Variants in CLYBL observed in about 807,000 individuals in gnomAD.
The protein encoded by CLYBL is citramalyl-CoA lyase, also known as citramalyl-CoA lyase, mitochondrial.
Under a neutral mutation model 38.9 loss-of-function variants are expected in CLYBL, and 31 were observed. The ratio of observed to expected loss-of-function variants is 0.80; its 90% CI spans 0.60 to 1.08. CLYBL has a LOEUF of 1.08. CLYBL is among the 50% of genes least tolerant of loss of function. The probability of loss-of-function intolerance (pLI) is 0.00; values close to 1 mark genes in which losing one functional copy is unlikely to be tolerated. For synonymous variants in CLYBL, 171 were observed against 158.6 expected (o/e 1.08, Z -0.59); for missense variants, 434 against 411.6 (o/e 1.05, Z -0.47).
intron 1 of CLYBL, among the ~76,000 whole-genome samples, chr13:99,654,087 T>A (rs1170894230): frequency 1.3e-5 from 2 of 152,120 alleles, no homozygotes; most frequent in Non-Finnish European, 2.9e-5. Flanking sequence ...CTTGGTTTGC[T>A]CCCACCACGT....
chr13:99,886,799 C>T (rs913597920), intron 7 of CLYBL, among the ~76,000 whole-genome samples: 11 of 152,198 alleles, frequency 7.2e-5, no homozygotes, highest in African/African-American at 1.2e-4. Context: ...GCCTTTTCTC[C>T]GATTCTTGTT....
At chr13:99,726,937 TC>T (rs1252338996) in intron 1 of CLYBL, among the ~76,000 whole-genome samples, 2 of 152,172 alleles carry the variant, frequency 1.3e-5, no homozygotes, top group African/African-American at 4.8e-5. Context: ...GGCGGGCAGA[TC>T]ACCTGAGGTC....
At chr13:99,612,682 C>A (rs529707997) in intron 1 of CLYBL, among the ~76,000 whole-genome samples, 2 of 152,150 alleles carry the variant, frequency 1.3e-5, no homozygotes, top group South Asian at 4.2e-4. Context: ...GCCGCCACAC[C>A]CATCCGGGGT....
chr13:99,901,653 T>G (rs955388544), downstream of CLYBL, among the ~76,000 whole-genome samples: 3 of 125,534 alleles, frequency 2.4e-5, no homozygotes, highest in African/African-American at 6.8e-5. Context: ...TTGTTTTTTT[T>G]TTTTGTTTGT....
At chr13:99,615,484 G>A (rs1002048964) in intron 1 of CLYBL, among the ~76,000 whole-genome samples, 1 of 152,174 alleles carries the variant, frequency 6.6e-6, no homozygotes. Flanking sequence ...TACCCTGAGT[G>A]CAGCTGGAGC....
chr13:99,624,168 A>C (rs2046837560), intron 1 of CLYBL, among the ~76,000 whole-genome samples: 1 of 152,014 alleles, frequency 6.6e-6, no homozygotes, highest in African/African-American at 2.4e-5. Flanking sequence ...TCTTCATTGC[A>C]CTTATGATTT....
intron 1 of CLYBL, among the ~76,000 whole-genome samples, chr13:99,655,991 A>C (rs1412381029): frequency 6.6e-6 from 1 of 152,120 alleles, no homozygotes; most frequent in Non-Finnish European, 1.5e-5. Flanking sequence ...ATTGTCTTGG[A>C]GCCAGCCCTT....
chr13:99,673,056 C>T (rs952403920), intron 1 of CLYBL, among the ~76,000 whole-genome samples: 1 of 152,084 alleles, frequency 6.6e-6, no homozygotes, highest in Non-Finnish European at 1.5e-5. Flanking sequence ...ATGGTAACAA[C>T]AGAGATAAAT....
chr13:99,810,995 A>G (rs753244277), intron 2 of CLYBL, among the ~76,000 whole-genome samples: 5 of 152,202 alleles, frequency 3.3e-5, no homozygotes, highest in Non-Finnish European at 5.9e-5. Context: ...AAAAAATTTT[A>G]GGAGAGCCAC....
intron 1 of CLYBL, among the ~76,000 whole-genome samples, chr13:99,752,109 A>C (rs1384431582): frequency 6.6e-6 from 1 of 152,182 alleles, no homozygotes; most frequent in Non-Finnish European, 1.5e-5. Flanking sequence ...ATGGGAGAGC[A>C]AGCCAGGCAC....
chr13:99,894,748 G>GGGC (rs2052552911), downstream of CLYBL: 1 of 133,344 alleles, frequency 7.5e-6, no homozygotes, highest in African/African-American at 2.9e-5. Context: ...GGGGGGGGGG[G>GGGC]GGGTGCCCAA....
At chr13:99,694,571 A>T (rs1049919984) in intron 1 of CLYBL, among the ~76,000 whole-genome samples, 1 of 152,156 alleles carries the variant, frequency 6.6e-6, no homozygotes, top group Non-Finnish European at 1.5e-5. Flanking sequence ...TCCGGCTCAC[A>T]CATACCTTTA....
At chr13:99,693,206 A>G (rs983458225) in intron 1 of CLYBL, among the ~76,000 whole-genome samples, 2 of 152,182 alleles carry the variant, frequency 1.3e-5, no homozygotes, top group Non-Finnish European at 2.9e-5. Context: ...TTATCATTAG[A>G]TCTGTCTCCT....
intron 1 of CLYBL, among the ~76,000 whole-genome samples, chr13:99,716,169 A>AGTTTTT (rs1361639397): frequency 3.0e-4 from 10 of 33,464 alleles, no homozygotes; most frequent in African/African-American, 9.9e-4. Context: ...TATTGGTGTA[A>AGTTTTT]TTTTTTTTTT....
intron 1 of CLYBL, among the ~76,000 whole-genome samples, chr13:99,610,876 G>T (rs1349826451): frequency 6.6e-6 from 1 of 152,186 alleles, no homozygotes; most frequent in Non-Finnish European, 1.5e-5. Context: ...TCAAGTAGCT[G>T]TGATGGTAAA....
intron 1 of CLYBL, among the ~76,000 whole-genome samples, chr13:99,608,312 A>G (rs2139160309): frequency 6.7e-6 from 1 of 148,188 alleles, no homozygotes; most frequent in Admixed American, 6.7e-5. Context: ...ACCTCGGGTG[A>G]TCCACCTGCC....
At chr13:99,879,603 G>A (rs1301423147) in intron 7 of CLYBL, among the ~76,000 whole-genome samples, 2 of 152,172 alleles carry the variant, frequency 1.3e-5, no homozygotes, top group East Asian at 1.9e-4. Context: ...GCATCCCTGA[G>A]TCTAGTTTCT....
chr13:99,654,974 A>G (rs1317893616), intron 1 of CLYBL, among the ~76,000 whole-genome samples: 2 of 151,880 alleles, frequency 1.3e-5, no homozygotes, highest in African/African-American at 4.8e-5. Context: ...TCCGAAGTCC[A>G]TTCTTTCTGT....
chr13:99,640,871 A>G (rs544658568), intron 1 of CLYBL, among the ~76,000 whole-genome samples: 1 of 152,384 alleles, frequency 6.6e-6, no homozygotes, highest in Non-Finnish European at 1.5e-5. Context: ...ACACGTGGAT[A>G]TATACGAATA....
Sources: allele counts gnomAD v4.1 joint callset (sites outside exome capture counted in the v4.1 genomes callset), GRCh38; gene constraint gnomAD v4.1.1; transcripts MANE v1.5; gene names NCBI Gene and HGNC (gene_info 2026-07-23, HGNC 2026-07-21).